IPCEF1: variants seen among roughly 807,000 people sequenced by gnomAD.
IPCEF1 encodes interaction protein for cytohesin exchange factors 1, also known as interactor protein for cytohesin exchange factors 1.
A neutral mutation model predicts 50.9 loss-of-function variants in IPCEF1; 31 were observed. The observed-to-expected ratio is 0.61, with a 90% CI of 0.46 to 0.82. The LOEUF is 0.82. Ranked by LOEUF, IPCEF1 falls within the 40% of genes least tolerant of loss-of-function variation. IPCEF1 has a pLI of 0.00. For missense variants in IPCEF1, 458 were observed against 514.0 expected (o/e 0.89, Z 1.05); for synonymous variants, 181 against 192.0 (o/e 0.94, Z 0.47).
At chr6:154,213,484 T>C (rs1287997854) in intron 8 of IPCEF1, among the ~76,000 whole-genome samples, 1 of 152,222 alleles carries the variant, frequency 6.6e-6, no homozygotes, top group Non-Finnish European at 1.5e-5. Flanking sequence ...ACCGATTTCA[T>C]GGTATTGCAC....
Position 154,159,432 on chromosome 6 carries a change from G to A in IPCEF1, c.*396C>T. On this transcript the variant is annotated 3_prime_UTR_variant, in exon 12 of 12. Coordinates refer to ENST00000367220, the MANE Select transcript of IPCEF1 (RefSeq NM_001130700.2). The stretch of plus-strand genomic sequence containing the variant: ...ACAGCTTCCCAGTCAAGTGGAATAT[G>A]TACATTCTTCTTTTGAAAAACAGAA... 1 of 215,682 alleles carries A rather than the reference G, an allele frequency of 4.6e-6. No homozygotes were observed. Among genetic ancestry groups the A allele is most frequent in the Non-Finnish European group, 9.1e-6 (1 of 110,464 alleles). 13.4% of individuals were successfully genotyped at this position (215,682 alleles called of 1,614,324 possible).
intron 9 of IPCEF1, among the ~76,000 whole-genome samples, chr6:154,205,730 T>C (rs888072136): frequency 2.6e-4 from 40 of 152,334 alleles, no homozygotes; most frequent in African/African-American, 9.1e-4. Context: ...CAGAGGACAA[T>C]GAATAAACTG....
intron 5 of IPCEF1, among the ~76,000 whole-genome samples, chr6:154,238,489 C>A (rs1042175940): frequency 3.3e-5 from 5 of 152,190 alleles, no homozygotes; most frequent in Non-Finnish European, 4.4e-5. Flanking sequence ...TGGTCTCAAA[C>A]TCCCGACCTC....
chr6:154,195,925 G>T (rs568203254), intron 10 of IPCEF1, among the ~76,000 whole-genome samples: 14 of 151,856 alleles, frequency 9.2e-5, no homozygotes, highest in Admixed American at 3.3e-4. Flanking sequence ...TAGAGTAGCT[G>T]GGATTACAGG....
intron 3 of IPCEF1, among the ~76,000 whole-genome samples, chr6:154,249,462 T>TC (rs1349215982): frequency 6.6e-6 from 1 of 151,842 alleles, no homozygotes; most frequent in Non-Finnish European, 1.5e-5. Flanking sequence ...GGTCCAGGAG[T>TC]CCCTAGCAAG....
intron 9 of IPCEF1, 104 bp downstream of exon 9, chr6:154,212,666 C>G (rs768711872): frequency 1.4e-5 from 10 of 728,714 alleles, no homozygotes; most frequent in Admixed American, 2.7e-5. Context: ...CTTAATTTAG[C>G]CCATTCTAAA....
At chr6:154,171,605 T>A (rs904541750) in intron 10 of IPCEF1, among the ~76,000 whole-genome samples, 1 of 152,206 alleles carries the variant, frequency 6.6e-6, no homozygotes, top group Non-Finnish European at 1.5e-5. Context: ...CACTTTCATG[T>A]GTGAATGTTA....
At chr6:154,218,486 T>TA (rs1366572109) in intron 7 of IPCEF1, among the ~76,000 whole-genome samples, 5 of 152,174 alleles carry the variant, frequency 3.3e-5, no homozygotes, top group African/African-American at 9.7e-5. Context: ...GAGGAACTTC[T>TA]AAAACAAGGA....
At chr6:154,326,663 C>T (rs1258987806) in intron 1 of IPCEF1, among the ~76,000 whole-genome samples, 2 of 152,116 alleles carry the variant, frequency 1.3e-5, no homozygotes, top group Non-Finnish European at 2.9e-5. Context: ...GGATTCAATG[C>T]TATTCTCATT....
chr6:154,253,705 T>C (rs995865440), intron 3 of IPCEF1, among the ~76,000 whole-genome samples: 5 of 152,220 alleles, frequency 3.3e-5, no homozygotes, highest in African/African-American at 1.2e-4. Context: ...ATTCCCACGT[T>C]TCTTCCAAAG....
chr6:154,329,180 C>T (rs571317986), intron 1 of IPCEF1, among the ~76,000 whole-genome samples: 18 of 152,048 alleles, frequency 1.2e-4, no homozygotes, highest in African/African-American at 4.3e-4. Flanking sequence ...GGGAGGTCGA[C>T]GGGGGAGAAT....
rs773575935 is a variant in IPCEF1 at position 154,158,400 on chromosome 6, T to C, written c.*1428A>G. ...TAACACAATGATTTCTAAATTTCTA[T>C]TAGTCTTTAATGAAAAGATGACATT... is the stretch of plus-strand genomic sequence containing the variant. On this transcript the variant is annotated 3_prime_UTR_variant, in exon 12 of 12. Coordinates refer to ENST00000367220, the MANE Select transcript of IPCEF1 (RefSeq NM_001130700.2). 1 of 152,246 alleles carries C rather than the reference T, an allele frequency of 6.6e-6. No homozygotes were observed. Among genetic ancestry groups the C allele is most frequent in the Non-Finnish European group, 1.5e-5 (1 of 68,050 alleles). The allele number at this position is 152,246 out of a possible 1,614,324, so 9.4% of individuals were successfully genotyped here.
At chr6:154,307,930 C>A (rs1375500374) in intron 1 of IPCEF1, among the ~76,000 whole-genome samples, 2 of 152,272 alleles carry the variant, frequency 1.3e-5, no homozygotes, top group African/African-American at 2.4e-5. Context: ...TAGTCACAAC[C>A]AGCAAGCAAA....
chr6:154,333,365 G>T (rs899268803), intron 1 of IPCEF1, among the ~76,000 whole-genome samples: 2 of 151,668 alleles, frequency 1.3e-5, no homozygotes, highest in Non-Finnish European at 2.9e-5. Flanking sequence ...ATATGAAAAG[G>T]CAAGACTGGC....
Position 154,224,083 on chromosome 6 carries a change from T to G in IPCEF1, c.247-840A>C, listed in dbSNP as rs544408880. Among the ~76,000 whole-genome samples the G allele has an allele frequency of 9.9e-5, 15 of 151,942 alleles. No homozygotes were observed. In the South Asian group the frequency reaches 3.1e-3, roughly 32 times the overall value. The stretch of plus-strand genomic sequence containing the variant: ...TTCGTCACCCATAGAACTCAAATCT[T>G]CTTTCATCTACACTGGTGTCTCTGA... On this transcript the variant is annotated intron_variant, in intron 5 of 11. Coordinates refer to ENST00000367220, the MANE Select transcript of IPCEF1 (RefSeq NM_001130700.2).
intron 10 of IPCEF1, among the ~76,000 whole-genome samples, chr6:154,172,694 G>C (rs1319277255): frequency 6.6e-6 from 1 of 152,242 alleles, no homozygotes; most frequent in Non-Finnish European, 1.5e-5. Context: ...GCTCAGCAAG[G>C]CCTGCTGCCT....
rs1361514744 is a variant in IPCEF1 at position 154,170,178 on chromosome 6, C to T, written c.911-2065G>A. 3.9e-5 allele frequency among the ~76,000 whole-genome samples: 6 copies of T among 152,116 alleles called. No individual in the cohort carries two copies. In the East Asian group the frequency reaches 1.2e-3, roughly 29 times the overall value. ...TCACTAAGAACGTTAGTCTATTTTT[C>T]CTTTATTCCTTGGAAGAAAGCTTGG... On this transcript the variant is annotated intron_variant, in intron 10 of 11. Coordinates refer to ENST00000367220, the MANE Select transcript of IPCEF1 (RefSeq NM_001130700.2).
intron 1 of IPCEF1, among the ~76,000 whole-genome samples, chr6:154,347,368 G>C (rs1784050575): frequency 6.6e-6 from 1 of 152,218 alleles, no homozygotes; most frequent in African/African-American, 2.4e-5. Context: ...CTTGAGCCAG[G>C]TTTGAAGTTC....
chr6:154,317,493 G>A (rs1387630526), intron 1 of IPCEF1, among the ~76,000 whole-genome samples: 2 of 125,638 alleles, frequency 1.6e-5, no homozygotes, highest in East Asian at 2.8e-4. Context: ...AGGTTGCAGT[G>A]AGCCAAGATT....
Sources: gnomAD v4.1 joint callset for allele counts (sites outside exome capture counted in the v4.1 genomes callset) on GRCh38, gnomAD v4.1.1 for gene constraint, MANE v1.5 for transcripts, NCBI Gene and HGNC (gene_info 2026-07-23, HGNC 2026-07-21) for gene names.